The following DCBLD2 variants were observed in gnomAD, a reference collection of about 807,000 sequenced individuals.
DCBLD2 encodes discoidin, CUB and LCCL domain-containing protein 2.
A neutral mutation model predicts 86.8 loss-of-function variants in DCBLD2; 54 were observed. The observed-to-expected ratio is 0.62, with a 90% CI of 0.50 to 0.78. DCBLD2 has a LOEUF of 0.78. DCBLD2 is among the 30% of genes least tolerant of loss of function. The pLI, the probability that DCBLD2 is intolerant of heterozygous loss-of-function variation, is 0.00. For synonymous variants in DCBLD2, 354 were observed against 341.3 expected (o/e 1.04, Z -0.41); for missense variants, 908 against 954.2 (o/e 0.95, Z 0.64).
chr3:98,800,431 A>C, intron 15 of DCBLD2, 148 bp downstream of exon 15: 1 of 802,478 alleles, frequency 1.2e-6, no homozygotes, highest in Non-Finnish European at 1.9e-6. Context: ...CTGAAGAGTC[A>C]CCTTTTAAAA....
intron 6 of DCBLD2, among the ~76,000 whole-genome samples, chr3:98,821,623 C>G (rs1942119154): frequency 6.6e-6 from 1 of 152,102 alleles, no homozygotes; most frequent in African/African-American, 2.4e-5. Context: ...TGGCAACAAA[C>G]TTCTAGACTC....
intron 1 of DCBLD2, among the ~76,000 whole-genome samples, chr3:98,895,071 G>A (rs1481495524): frequency 6.6e-6 from 1 of 152,004 alleles, no homozygotes; most frequent in Non-Finnish European, 1.5e-5. Flanking sequence ...CATATATGAA[G>A]AGGTTAGTAT....
chr3:98,830,843 A>G (rs1342270105), intron 3 of DCBLD2, among the ~76,000 whole-genome samples: 1 of 152,188 alleles, frequency 6.6e-6, no homozygotes, highest in Non-Finnish European at 1.5e-5. Context: ...GGCCATTTTT[A>G]TGATAATGAC....
At chr3:98,800,343 C>T (rs1416172720) in intron 15 of DCBLD2, among the ~76,000 whole-genome samples, 1 of 152,176 alleles carries the variant, frequency 6.6e-6, no homozygotes, top group Non-Finnish European at 1.5e-5. Flanking sequence ...CCTCAGTTAA[C>T]ATACATAATG....
chr3:98,809,390 C>T (rs1006207149), intron 12 of DCBLD2, among the ~76,000 whole-genome samples: 2 of 151,988 alleles, frequency 1.3e-5, no homozygotes, highest in Admixed American at 1.3e-4. Flanking sequence ...GCTGAAGATA[C>T]AGGAGGGGGA....
chr3:98,843,855 T>A (rs1942667200), intron 3 of DCBLD2, among the ~76,000 whole-genome samples: 2 of 152,316 alleles, frequency 1.3e-5, no homozygotes, highest in South Asian at 4.1e-4. Context: ...TTATTTCACA[T>A]GAAATTTTAA....
intron 3 of DCBLD2, among the ~76,000 whole-genome samples, chr3:98,834,142 CTTTTTTTTT>C (rs10588325): frequency 8.0e-6 from 1 of 124,918 alleles, no homozygotes; most frequent in East Asian, 2.5e-4. Context: ...GAGTTGTTTT[CTTTTTTTTT>C]TTTTTTTTTG....
At chr3:98,883,382 C>G (rs1044068518) in intron 1 of DCBLD2, among the ~76,000 whole-genome samples, 1 of 152,208 alleles carries the variant, frequency 6.6e-6, no homozygotes, top group Non-Finnish European at 1.5e-5. Flanking sequence ...CTCCCGCACA[C>G]CTTATTTTTT....
At chr3:98,856,354 C>T (rs929979146) in intron 2 of DCBLD2, among the ~76,000 whole-genome samples, 3 of 151,926 alleles carry the variant, frequency 2.0e-5, no homozygotes, top group Non-Finnish European at 4.4e-5. Context: ...CAATCTCTCC[C>T]GAACTATGGT....
intron 3 of DCBLD2, among the ~76,000 whole-genome samples, chr3:98,842,730 G>A (rs1347161136): frequency 3.9e-5 from 6 of 152,144 alleles, no homozygotes; most frequent in African/African-American, 1.2e-4. Flanking sequence ...AGTCAAACAC[G>A]CTATAAGCTA....
chr3:98,874,370 A>G (rs1943331642), intron 2 of DCBLD2, among the ~76,000 whole-genome samples: 1 of 152,228 alleles, frequency 6.6e-6, no homozygotes, highest in Admixed American at 6.5e-5. Context: ...CATTAAAAGA[A>G]TGTCACATCA....
At chr3:98,816,593 G>A (rs1183653032) in intron 9 of DCBLD2, among the ~76,000 whole-genome samples, 1 of 152,108 alleles carries the variant, frequency 6.6e-6, no homozygotes, top group Non-Finnish European at 1.5e-5. Context: ...AGAAGAAAGA[G>A]GCCTTGAATA....
intron 2 of DCBLD2, among the ~76,000 whole-genome samples, chr3:98,858,631 C>T (rs1226782576): frequency 6.6e-6 from 1 of 152,126 alleles, no homozygotes; most frequent in Non-Finnish European, 1.5e-5. Flanking sequence ...AGAGAAAATA[C>T]CTGCAAACCA....
At chr3:98,842,931 A>G (rs1363245591) in intron 3 of DCBLD2, among the ~76,000 whole-genome samples, 1 of 152,180 alleles carries the variant, frequency 6.6e-6, no homozygotes, top group Admixed American at 6.5e-5. Flanking sequence ...ACAAACACGT[A>G]TGTAGTCTCT....
At chr3:98,800,853 CTT>C (rs11374885) in intron 14 of DCBLD2, 137 bp from the exon 15 acceptor site, 10,266 of 821,780 alleles carry the variant, frequency 0.012, no homozygotes, top group South Asian at 0.02. Context: ...TATAATCCAA[CTT>C]TTTTTTTTTT....
chr3:98,825,643 TTATATATATA>T lies in DCBLD2; in HGVS notation c.572-287_572-278del, dbSNP rs56736194. 3.9e-3 allele frequency among the ~76,000 whole-genome samples: 454 copies of T among 115,082 alleles called. 6 individuals are homozygous for T. Among genetic ancestry groups the T allele is most frequent in the Middle Eastern group, 4.9e-3 (1 of 206 alleles). The allele number at this position is 115,082 out of a possible 152,430, so 75.5% of individuals were successfully genotyped here. A position where few individuals can be genotyped will look rare whatever the true frequency, so the allele number is the denominator to read the frequency against. On this transcript the variant is annotated intron_variant, in intron 3 of 15. Transcript: ENST00000326840. ...TACACACATATATGTATATGTGTAT[TTATATATATA>T]TATATATATATATATATATATATAT... is the stretch of plus-strand genomic sequence containing the variant.
chr3:98,858,873 G>A (rs1434743230), intron 2 of DCBLD2, among the ~76,000 whole-genome samples: 1 of 152,220 alleles, frequency 6.6e-6, no homozygotes, highest in Non-Finnish European at 1.5e-5. Flanking sequence ...ATAGCTCCCA[G>A]TGTGAGCGAC....
chr3:98,897,233 A>T (rs1263450407), intron 1 of DCBLD2, among the ~76,000 whole-genome samples: 1 of 152,176 alleles, frequency 6.6e-6, no homozygotes, highest in Non-Finnish European at 1.5e-5. Context: ...TAACACTGAG[A>T]AATCTACCTA....
intron 6 of DCBLD2, chr3:98,820,801 C>A (rs1942107657): frequency 6.8e-6 from 1 of 146,402 alleles, no homozygotes; most frequent in African/African-American, 2.5e-5. Context: ...AAATCAACAT[C>A]TCATGGAAGA....
Sources: gnomAD v4.1 joint callset for allele counts (sites outside exome capture counted in the v4.1 genomes callset) on GRCh38, gnomAD v4.1.1 for gene constraint, MANE v1.5 for transcripts, NCBI Gene and HGNC (gene_info 2026-07-23, HGNC 2026-07-21) for gene names.